The following SGCD variants were observed in gnomAD, a reference collection of about 807,000 sequenced individuals.
SGCD encodes delta-sarcoglycan.
SGCD carries 18 observed loss-of-function variants against 36.6 expected under a neutral mutation model. The observed-to-expected ratio is 0.49, with a 90% confidence interval of 0.34 to 0.73. The LOEUF is 0.73. Ranked by LOEUF, SGCD falls within the 30% of genes least tolerant of loss-of-function variation. The pLI is 0.01. For synonymous variants in SGCD, 133 were observed against 130.6 expected (o/e 1.02, Z -0.12); for missense variants, 387 against 346.7 (o/e 1.12, Z -0.92).
chr5:156,546,608 GA>G (rs11297942), intron 4 of SGCD, among the ~76,000 whole-genome samples: 70,467 of 150,132 alleles, frequency 0.47, 16,593 homozygotes, highest in Non-Finnish European at 0.5. Context: ...GCTATAGAAG[GA>G]AAAAAAAAAT....
chr5:156,499,209 G>T (rs1756342985), intron 3 of SGCD, among the ~76,000 whole-genome samples: 1 of 152,112 alleles, frequency 6.6e-6, no homozygotes, highest in Non-Finnish European at 1.5e-5. Context: ...TACAATGAGG[G>T]TTAATGAATA....
At chr5:156,696,011 C>T (rs1240386565) in intron 7 of SGCD, among the ~76,000 whole-genome samples, 1 of 151,062 alleles carries the variant, frequency 6.6e-6, no homozygotes, top group African/African-American at 2.5e-5. Context: ...CATGAGGCCT[C>T]TCAAGGCCTA....
intron 4 of SGCD, among the ~76,000 whole-genome samples, chr5:156,525,855 A>T (rs569597673): frequency 6.6e-6 from 1 of 152,192 alleles, no homozygotes; most frequent in African/African-American, 2.4e-5. Context: ...TACCCATCAC[A>T]TATTTTGGTA....
chr5:156,348,329 G>A (rs529975901), intron 3 of SGCD, among the ~76,000 whole-genome samples: 12 of 152,164 alleles, frequency 7.9e-5, no homozygotes, highest in African/African-American at 2.6e-4. Flanking sequence ...TCTGTTTGCC[G>A]ATTACATGAG....
intron 1 of SGCD, among the ~76,000 whole-genome samples, chr5:155,885,872 CTA>C (rs1467312740): frequency 1.3e-5 from 2 of 152,188 alleles, no homozygotes; most frequent in Non-Finnish European, 2.9e-5. Context: ...CAGTGCTTTT[CTA>C]TGTTTCAGTT....
intron 7 of SGCD, among the ~76,000 whole-genome samples, chr5:156,745,665 G>A (rs569632090): frequency 6.6e-6 from 1 of 151,988 alleles, no homozygotes; most frequent in African/African-American, 2.4e-5. Context: ...AAACAAGTAT[G>A]TTTACTATGC....
intron 6 of SGCD, among the ~76,000 whole-genome samples, chr5:156,621,480 C>G (rs1217236976): frequency 5.9e-5 from 9 of 151,960 alleles, no homozygotes; most frequent in African/African-American, 2.2e-4. Flanking sequence ...CGTGAGCTAC[C>G]ATGTCCAGCC....
intron 7 of SGCD, among the ~76,000 whole-genome samples, chr5:156,686,786 T>C (rs953861642): frequency 6.6e-6 from 1 of 152,194 alleles, no homozygotes; most frequent in Non-Finnish European, 1.5e-5. Flanking sequence ...CAGCTTTGTT[T>C]TAGAAATTCT....
intron 1 of SGCD, among the ~76,000 whole-genome samples, chr5:156,021,129 G>GC (rs1194304048): frequency 6.6e-6 from 1 of 152,094 alleles, no homozygotes; most frequent in Non-Finnish European, 1.5e-5. Flanking sequence ...CCACTAATAT[G>GC]CCCCTGAATT....
At chr5:156,089,453 G>A (rs759757651) in intron 1 of SGCD, among the ~76,000 whole-genome samples, 48 of 152,314 alleles carry the variant, frequency 3.2e-4, no homozygotes, top group Admixed American at 2.4e-3. Flanking sequence ...AGGAAGAGCC[G>A]TTGTCATTTT....
intron 3 of SGCD, among the ~76,000 whole-genome samples, chr5:156,175,745 A>C (rs185893772): frequency 2.6e-5 from 4 of 152,362 alleles, no homozygotes; most frequent in Admixed American, 2.0e-4. Flanking sequence ...GCTTTTAGAA[A>C]GACATGCTGT....
intron 1 of SGCD, among the ~76,000 whole-genome samples, chr5:156,046,667 T>C (rs1251132984): frequency 6.6e-5 from 10 of 152,114 alleles, no homozygotes; most frequent in Admixed American, 6.6e-4. Flanking sequence ...CCGAGAAATG[T>C]CGTGTGCATT....
At chr5:155,921,724 G>A (rs539684603) in intron 1 of SGCD, among the ~76,000 whole-genome samples, 1 of 152,172 alleles carries the variant, frequency 6.6e-6, no homozygotes, top group Non-Finnish European at 1.5e-5. Flanking sequence ...AATAAACATT[G>A]GTCAGCAGAC....
At chr5:155,839,500 C>T in the SGCD span, among the ~76,000 whole-genome samples, 1 of 152,136 alleles carries the variant, frequency 6.6e-6, no homozygotes, top group African/African-American at 2.4e-5. Context: ...CCAGGCTTAA[C>T]TTTCGCTTTG....
chr5:155,974,374 T>C (rs1326843041), intron 1 of SGCD, among the ~76,000 whole-genome samples: 1 of 152,058 alleles, frequency 6.6e-6, no homozygotes, highest in Non-Finnish European at 1.5e-5. Flanking sequence ...TTGTATCCCA[T>C]GTAAGAGTGA....
At chr5:156,259,516 A>C (rs550191405) in intron 3 of SGCD, among the ~76,000 whole-genome samples, 1 of 152,160 alleles carries the variant, frequency 6.6e-6, no homozygotes, top group African/African-American at 2.4e-5. Flanking sequence ...TGCCTACCTA[A>C]ACATTGCAAA....
the SGCD span, among the ~76,000 whole-genome samples, chr5:155,830,987 G>A: frequency 7.2e-5 from 11 of 152,092 alleles, no homozygotes; most frequent in African/African-American, 2.7e-4. Flanking sequence ...TGCTTGTTAC[G>A]TGTTAGATGC....
chr5:156,331,415 C>T (rs891254003), intron 2 of SGCD, among the ~76,000 whole-genome samples: 2 of 152,136 alleles, frequency 1.3e-5, no homozygotes, highest in African/African-American at 4.8e-5. Flanking sequence ...TTGGTTTGCT[C>T]AGAAAGCTTT....
At chr5:156,045,685 C>A (rs1759747196) in intron 1 of SGCD, among the ~76,000 whole-genome samples, 1 of 152,156 alleles carries the variant, frequency 6.6e-6, no homozygotes, top group South Asian at 2.1e-4. Context: ...GATAGCTGCC[C>A]TCTCACTATG....
Sources: gnomAD v4.1 joint callset for allele counts (sites outside exome capture counted in the v4.1 genomes callset) on GRCh38, gnomAD v4.1.1 for gene constraint, MANE v1.5 for transcripts, NCBI Gene and HGNC (gene_info 2026-07-23, HGNC 2026-07-21) for gene names.